PCDHA9: variants seen among roughly 807,000 people sequenced by gnomAD.
PCDHA9 encodes protocadherin alpha-9.
In PCDHA9, 62 loss-of-function variants were observed where a neutral mutation model predicts 62.0. The observed-to-expected ratio is 1.00, with a 90% CI of 0.81 to 1.23. PCDHA9 has a LOEUF of 1.23. Ranked by LOEUF, PCDHA9 falls within the 50% of genes most tolerant of loss-of-function variation. The pLI, the probability that PCDHA9 is intolerant of heterozygous loss-of-function variation, is 0.00. For missense variants in PCDHA9, 1,205 were observed against 1,249.8 expected (o/e 0.96, Z 0.54); for synonymous variants, 557 against 567.6 (o/e 0.98, Z 0.27).
rs201652283 is a variant in PCDHA9, at chr5:141,009,916, G to A, written c.2832G>A (p.Thr944=). The A allele has an allele frequency of 4.3e-6, 7 of 1,611,506 alleles. No homozygotes were observed. The highest frequency in any genetic ancestry group is 2.2e-5 in the East Asian group (1 of 44,862). ...TQEKKEKGNS[T]TDNSDQ is the part of the protein sequence containing the mutation. The stretch of plus-strand genomic sequence containing the variant: ...AGAAAAAAGAGAAAGGGAACAGCAC[G>A]ACTGACAACAGTGACCAGTGAGGTC... Residue 944 remains threonine (T), a synonymous_variant, in exon 4 of 4, where the codon ACG becomes ACA. Coordinates refer to ENST00000532602, the MANE Select transcript of PCDHA9 (RefSeq NM_031857.2).
intron 1 of PCDHA9, among the ~76,000 whole-genome samples, chr5:140,976,409 G>C (rs1208759254): frequency 6.6e-6 from 1 of 152,064 alleles, no homozygotes; most frequent in African/African-American, 2.4e-5. Flanking sequence ...AAATTAGCCA[G>C]GTACGGTGGC....
chr5:140,857,831 G>A (rs1554150713), intron 1 of PCDHA9: 1 of 1,597,806 alleles, frequency 6.3e-7, no homozygotes, highest in Non-Finnish European at 8.6e-7. Flanking sequence ...TAAGGTGCGC[G>A]CAGTGGACGC....
intron 1 of PCDHA9, chr5:140,870,786 G>T: frequency 6.2e-7 from 1 of 1,613,634 alleles, no homozygotes; most frequent in East Asian, 2.2e-5. Context: ...ACGACAACGC[G>T]CCGGCACTGC....
At chr5:140,995,491 AG>A (rs1467871177) in intron 3 of PCDHA9, among the ~76,000 whole-genome samples, 5 of 152,224 alleles carry the variant, frequency 3.3e-5, no homozygotes, top group Non-Finnish European at 5.9e-5. Context: ...TTTCAGACTA[AG>A]GTTGACTGTG....
At chr5:141,009,327 C>A (rs1445732436) in intron 3 of PCDHA9, among the ~76,000 whole-genome samples, 3 of 152,142 alleles carry the variant, frequency 2.0e-5, no homozygotes, top group Non-Finnish European at 2.9e-5. Context: ...GGCATGGGAG[C>A]TTGTGCCTGT....
At chr5:140,864,250 T>G (rs2048388075) in intron 1 of PCDHA9, 1 of 152,242 alleles carries the variant, frequency 6.6e-6, no homozygotes, top group Non-Finnish European at 1.5e-5. Flanking sequence ...ATTCATTTTC[T>G]TATTCTGATT....
intron 1 of PCDHA9, chr5:140,966,932 G>A: frequency 6.2e-7 from 1 of 1,603,726 alleles, no homozygotes; most frequent in Non-Finnish European, 8.5e-7. Flanking sequence ...GGCACCCGGC[G>A]CGCTCGTGGG....
chr5:141,000,555 G>A (rs1395458694), intron 3 of PCDHA9, among the ~76,000 whole-genome samples: 1 of 148,762 alleles, frequency 6.7e-6, no homozygotes, highest in Non-Finnish European at 1.5e-5. Context: ...AAACTCCCGA[G>A]TAGCTGGGAT....
intron 1 of PCDHA9, chr5:140,869,354 T>C (rs782282863): frequency 6.2e-7 from 1 of 1,614,116 alleles, no homozygotes; most frequent in Non-Finnish European, 8.5e-7. Context: ...AATGGCATTT[T>C]GTTTGTGAAT....
At chr5:141,008,367 G>A (rs2098373101) in intron 3 of PCDHA9, among the ~76,000 whole-genome samples, 1 of 152,144 alleles carries the variant, frequency 6.6e-6, no homozygotes, top group African/African-American at 2.4e-5. Flanking sequence ...AAGGAGCAGT[G>A]TTAGATACAT....
chr5:140,985,830 C>T (rs1446445717), intron 3 of PCDHA9, among the ~76,000 whole-genome samples: 2 of 149,758 alleles, frequency 1.3e-5, no homozygotes, highest in Non-Finnish European at 3.0e-5. Flanking sequence ...AGCTCTGCCT[C>T]CCGGGTTCAT....
At chr5:140,992,295 A>G (rs2097504334) in intron 3 of PCDHA9, among the ~76,000 whole-genome samples, 1 of 152,134 alleles carries the variant, frequency 6.6e-6, no homozygotes, top group African/African-American at 2.4e-5. Flanking sequence ...AAAGGATGGG[A>G]GTATTGTTTT....
intron 1 of PCDHA9, chr5:140,875,915 T>C: frequency 6.2e-7 from 1 of 1,614,214 alleles, no homozygotes; most frequent in Non-Finnish European, 8.5e-7. Context: ...TCTGCGCCTC[T>C]GGACTCTCAT....
chr5:140,870,237 A>C, intron 1 of PCDHA9: 1 of 1,614,180 alleles, frequency 6.2e-7, no homozygotes, highest in South Asian at 1.1e-5. Flanking sequence ...ACCGTGACTC[A>C]GGTGTCAACG....
At chr5:140,870,273 C>G (rs1307506968) in intron 1 of PCDHA9, 3 of 1,614,192 alleles carry the variant, frequency 1.9e-6, no homozygotes, top group South Asian at 2.2e-5. Flanking sequence ...CGCTGACGCC[C>G]CACGTTCCCT....
intron 1 of PCDHA9, chr5:140,857,490 C>T (rs1554150112): frequency 1.3e-6 from 2 of 1,598,382 alleles, no homozygotes; most frequent in East Asian, 4.5e-5. Context: ...GCGTGGGACG[C>T]GGACGCGCAG....
chr5:140,991,503 T>C (rs975448423), intron 3 of PCDHA9, among the ~76,000 whole-genome samples: 6 of 152,246 alleles, frequency 3.9e-5, no homozygotes, highest in Non-Finnish European at 7.3e-5. Context: ...TGAGTTTCAC[T>C]GGCTAAAATC....
chr5:140,850,154 G>C lies in PCDHA9; in HGVS notation c.1659G>C (p.Val553=), dbSNP rs2150469964. 6.3e-7 allele frequency: 1 copy of C among 1,595,410 alleles called. No individual in the cohort carries two copies. Among genetic ancestry groups the C allele is most frequent in the Non-Finnish European group, 8.6e-7 (1 of 1,167,832 alleles). The change falls in exon 1 of 4, where the codon GTG becomes GTC. Residue 553 remains valine (V), a synonymous_variant. Transcript: ENST00000532602. ...TGGGCAGCAACGTGACGCTGCAGGT[G>C]TTCGTGCTGGACGAGAACGACAATG... is the stretch of plus-strand genomic sequence containing the variant. ...PPLGSNVTLQ[V]FVLDENDNAP... is the part of the protein sequence containing the mutation.
rs782379229 is a variant in PCDHA9, at chr5:140,927,578, A to G, written c.2395-51371A>G. ...ATCATTGTGGTGGACACAAATGACAACGCGCCTGTATTTGAGCGCTCCGTA... is the reference window on the plus strand; with the variant it reads ...ATCATTGTGGTGGACACAAATGACAGCGCGCCTGTATTTGAGCGCTCCGTA... On this transcript the variant is annotated intron_variant, in intron 1 of 3. Transcript: ENST00000532602. 1.5e-5 allele frequency: 24 copies of G among 1,614,024 alleles called. No homozygotes were observed. The highest frequency in any genetic ancestry group is 2.0e-5 in the Non-Finnish European group (24 of 1,180,026).
Sources: allele counts gnomAD v4.1 joint callset (sites outside exome capture counted in the v4.1 genomes callset), GRCh38; gene constraint gnomAD v4.1.1; transcripts MANE v1.5; gene names NCBI Gene and HGNC (gene_info 2026-07-23, HGNC 2026-07-21).